Variants in FAM193A observed in about 807,000 individuals in gnomAD.
FAM193A encodes family with sequence similarity 193 member A, also known as protein FAM193A.
A neutral mutation model predicts 126.5 loss-of-function variants in FAM193A; 22 were observed. That is an observed-to-expected ratio of 0.17 (90% CI 0.12 to 0.25). The LOEUF (loss-of-function observed/expected upper bound fraction) is 0.25, where lower values mean the gene tolerates loss of function less well. Among genes scored for constraint, FAM193A ranks in the 10% least tolerant of loss-of-function variants. The probability of loss-of-function intolerance (pLI) is 1.00; values close to 1 mark genes in which losing one functional copy is unlikely to be tolerated. For synonymous variants in FAM193A, 761 were observed against 646.8 expected, an observed-to-expected ratio of 1.18 and a Z score of -2.68; for missense variants, 1,675 against 1,672.8, an observed-to-expected ratio of 1.00 and a Z score of -0.02.
intron 13 of FAM193A, among the ~76,000 whole-genome samples, chr4:2,683,806 T>A (rs1380774281): frequency 6.6e-6 from 1 of 152,256 alleles, no homozygotes; most frequent in African/African-American, 2.4e-5. Context: ...CTTTCGAAAC[T>A]GTCCCACAGG....
chr4:2,673,845 T>G (rs1399231643), intron 13 of FAM193A, among the ~76,000 whole-genome samples: 1 of 152,234 alleles, frequency 6.6e-6, no homozygotes, highest in Non-Finnish European at 1.5e-5. Flanking sequence ...GGGGCCCCTT[T>G]GGTTAAAAAT....
rs552971658 is a variant in FAM193A at position 2,537,666 on chromosome 4, C to G, written c.255+496C>G. Among the ~76,000 whole-genome samples the G allele has an allele frequency of 2.0e-5, 3 of 152,328 alleles. No homozygotes were observed. In the East Asian group the frequency reaches 5.8e-4, roughly 29 times the overall value. ...TCGCTCCCAGGGCTTTGAAATGTTT[C>G]TCTGGCCACCTTCGTTATTCCGTGC... On this transcript the variant is annotated intron_variant, in intron 1 of 20. Coordinates refer to ENST00000637812, the MANE Select transcript of FAM193A (RefSeq NM_001366318.2).
At chr4:2,699,439 C>A (rs916240066) in intron 18 of FAM193A, among the ~76,000 whole-genome samples, 1 of 81,736 alleles carries the variant, frequency 1.2e-5, no homozygotes, top group African/African-American at 4.3e-5. Context: ...AACTACCACC[C>A]CCCCCCCCAC....
chr4:2,584,417 T>G (rs1445532566), intron 1 of FAM193A, among the ~76,000 whole-genome samples: 1 of 146,494 alleles, frequency 6.8e-6, no homozygotes, highest in Non-Finnish European at 1.5e-5. Context: ...CAGAGTGAGA[T>G]TCCGTCTCAA....
At chr4:2,558,629 C>T (rs1738417024) in intron 1 of FAM193A, among the ~76,000 whole-genome samples, 1 of 152,174 alleles carries the variant, frequency 6.6e-6, no homozygotes, top group African/African-American at 2.4e-5. Flanking sequence ...AATCCTCCTG[C>T]CTTAGCCTCC....
At position 2,551,777 on chromosome 4, in the gene FAM193A, AT is replaced by A. The variant is rs573428822; in HGVS notation, c.255+14618del. On this transcript the variant is annotated intron_variant, in intron 1 of 20. Coordinates refer to ENST00000637812, the MANE Select transcript of FAM193A (RefSeq NM_001366318.2). ...TGTTTTTCCGTTTTCAGTGTGTTTG[AT>A]TTTTTTTTTTAAACACTTTGCCTTA... Among the ~76,000 whole-genome samples, 619 of 142,478 alleles carry A rather than the reference AT, an allele frequency of 4.3e-3. 6 individuals carry two copies. The highest frequency in any genetic ancestry group is 0.014 in the African/African-American group (553 of 38,836). The allele number at this position is 142,478 out of a possible 152,430, so 93.5% of individuals were successfully genotyped here.
intron 7 of FAM193A, among the ~76,000 whole-genome samples, chr4:2,654,140 C>A (rs1201076265): frequency 6.6e-6 from 1 of 152,166 alleles, no homozygotes; most frequent in Non-Finnish European, 1.5e-5. Context: ...GATTCAAAGG[C>A]TTTAAAATGT....
chr4:2,700,460 C>T lies in FAM193A; in HGVS notation c.4288C>T (p.Leu1430=), dbSNP rs780075865. 8 of 1,614,178 alleles carry T rather than the reference C, an allele frequency of 5.0e-6. No homozygotes were observed. The highest frequency in any genetic ancestry group is 6.8e-6 in the Non-Finnish European group (8 of 1,180,026). The change falls in exon 19 of 21, where the codon CTG becomes TTG. Residue 1430 remains leucine (L), a synonymous_variant. Transcript: ENST00000637812. ...CGGTGAGCATCAGCAGAACAGCAAG[C>T]TGGTGCTGGCAGAGTCCCCTCAGCC... ...SPGEHQQNSK[L]VLAESPQPKG...
At chr4:2,567,061 T>A (rs1016850546) in intron 1 of FAM193A, among the ~76,000 whole-genome samples, 1 of 150,774 alleles carries the variant, frequency 6.6e-6, no homozygotes, top group African/African-American at 2.4e-5. Flanking sequence ...TGCCTCAGCC[T>A]CCCGAGTAGC....
chr4:2,719,875 G>T, intron 20 of FAM193A: 1 of 161,588 alleles, frequency 6.2e-6, no homozygotes, highest in South Asian at 9.4e-5. Flanking sequence ...CTGCAGCCTT[G>T]ACCTCCCCAG....
chr4:2,642,653 T>C (rs909831928), intron 6 of FAM193A, among the ~76,000 whole-genome samples: 1 of 151,698 alleles, frequency 6.6e-6, no homozygotes, highest in Admixed American at 6.6e-5. Flanking sequence ...AATATTTTAC[T>C]GGTAAGCCAG....
At chr4:2,563,760 A>G (rs761334894) in intron 1 of FAM193A, among the ~76,000 whole-genome samples, 9 of 152,222 alleles carry the variant, frequency 5.9e-5, no homozygotes, top group Non-Finnish European at 1.0e-4. Context: ...ATTTACATCC[A>G]CTTTTATTAA....
chr4:2,585,306 T>C (rs1338860065), intron 1 of FAM193A, among the ~76,000 whole-genome samples: 2 of 152,238 alleles, frequency 1.3e-5, no homozygotes, highest in African/African-American at 4.8e-5. Context: ...AATGCCTATT[T>C]CCCAAAGTGG....
chr4:2,676,626 A>G (rs1045717073), intron 13 of FAM193A, among the ~76,000 whole-genome samples: 1 of 152,126 alleles, frequency 6.6e-6, no homozygotes, highest in Non-Finnish European at 1.5e-5. Context: ...CTCTGTCGAT[A>G]GTGTCTGTTG....
At chr4:2,646,069 G>C (rs921558874) in intron 6 of FAM193A, among the ~76,000 whole-genome samples, 13 of 149,546 alleles carry the variant, frequency 8.7e-5, no homozygotes, top group Non-Finnish European at 1.5e-4. Flanking sequence ...TTCCATATTT[G>C]GTAAACTGAA....
intron 13 of FAM193A, among the ~76,000 whole-genome samples, chr4:2,683,079 C>G (rs1396442985): frequency 6.6e-6 from 1 of 152,162 alleles, no homozygotes; most frequent in Non-Finnish European, 1.5e-5. Flanking sequence ...TTCTCCTTCA[C>G]TTTTGAAGGA....
At position 2,700,362 on chromosome 4, in the gene FAM193A, A is replaced by G; in HGVS notation, c.4190A>G (p.Asn1397Ser). The G allele has an allele frequency of 3.7e-6, 6 of 1,614,122 alleles. No homozygotes were observed. The highest frequency in any genetic ancestry group is 5.1e-6 in the Non-Finnish European group (6 of 1,180,010). ...GAGGAGAGAAAAGTCAACAGTAATA[A>G]CAATAACAAAAAGCAGCTGAACCAC... Reference protein sequence around the residue: ...KREERKVNSNNNNKKQLNHIK... With the variant: ...KREERKVNSNSNNKKQLNHIK... Residue 1397 changes from asparagine to serine, a missense_variant, in exon 19 of 21, where the codon AAC becomes AGC. Asn to Ser is a conservative substitution (Grantham distance 46, BLOSUM62 1). Around this residue, in one of 4 missense-constraint regions of FAM193A, gnomAD observed 415 missense variants for 396.7 expected, o/e 1.05. Coordinates refer to ENST00000637812, the MANE Select transcript of FAM193A (RefSeq NM_001366318.2).
chr4:2,696,282 G>GT, intron 17 of FAM193A, 81 bp from the exon 18 acceptor site: 3 of 896,418 alleles, frequency 3.3e-6, no homozygotes, highest in Non-Finnish European at 5.2e-6. Context: ...TAATAAAACA[G>GT]TTTATTTTTG....
At chr4:2,555,623 G>GT (rs1738200357) in intron 1 of FAM193A, among the ~76,000 whole-genome samples, 1 of 151,976 alleles carries the variant, frequency 6.6e-6, no homozygotes. Flanking sequence ...TTGTTTGTTT[G>GT]TTTTTTGTTT....
Sources: allele counts gnomAD v4.1 joint callset (sites outside exome capture counted in the v4.1 genomes callset), GRCh38; gene constraint gnomAD v4.1.1; regional missense constraint gnomAD v4.1.1; transcripts MANE v1.5; gene names NCBI Gene and HGNC (gene_info 2026-07-23, HGNC 2026-07-21).